Variants in ANK2 observed in about 807,000 individuals in gnomAD.
ANK2 encodes ankyrin-2.
ANK2 carries 83 observed loss-of-function variants against 360.5 expected under a neutral mutation model. The ratio of observed to expected loss-of-function variants is 0.23; its 90% confidence interval spans 0.19 to 0.28. ANK2 has a LOEUF of 0.28. Ranked by LOEUF, ANK2 falls within the 10% of genes least tolerant of loss-of-function variation. The pLI is 1.00. For missense variants in ANK2, 4,201 were observed against 4,795.7 expected, an observed-to-expected ratio of 0.88 and a Z score of 3.66; for synonymous variants, 1,740 against 1,759.5, an observed-to-expected ratio of 0.99 and a Z score of 0.28.
intron 2 of ANK2, among the ~76,000 whole-genome samples, chr4:112,931,773 G>C (rs942229475): frequency 1.3e-5 from 2 of 152,094 alleles, no homozygotes; most frequent in African/African-American, 4.8e-5. Flanking sequence ...AGTATCCTAT[G>C]CTGATTTATA....
Position 113,339,287 on chromosome 4 carries a change from T to C in ANK2, c.3858T>C (p.Asn1286=), listed in dbSNP as rs1563885033. The C allele has an allele frequency of 6.2e-7, 1 of 1,613,950 alleles. No homozygotes were observed. Among genetic ancestry groups the C allele is most frequent in the Non-Finnish European group, 8.5e-7 (1 of 1,179,996 alleles). ...ITGTTPLTFV[N]ECVSFTTNVS... ...GAACTACGCCATTAACATTTGTCAA[T>C]GAATGTGTTTCCTTTACAACAAACG... is the stretch of plus-strand genomic sequence containing the variant. The change falls in exon 32 of 46, where the codon AAT becomes AAC. Residue 1286 remains asparagine (N), a synonymous_variant. Coordinates refer to ENST00000357077, the MANE Select transcript of ANK2 (RefSeq NM_001148.6).
chr4:113,209,947 G>A (rs925687550), intron 4 of ANK2, among the ~76,000 whole-genome samples: 2 of 152,164 alleles, frequency 1.3e-5, no homozygotes, highest in Admixed American at 6.5e-5. Context: ...TCAGTCCTCC[G>A]TTCCCCCTTA....
In ANK2 at chr4:113,356,220, C is replaced by T. The variant is rs1412153659; in HGVS notation, c.7602C>T (p.Ser2534=). The part of the protein sequence containing the change: ...QTSLMESSGK[S]PLSPDTPSSE... Reference sequence around the variant, plus strand: ...CGCTCATGGAGAGCTCAGGGAAGAGCCCCCTTTCTCCTGACACCCCCAGCT... The same window carrying T: ...CGCTCATGGAGAGCTCAGGGAAGAGTCCCCTTTCTCCTGACACCCCCAGCT... The change falls in exon 38 of 46, where the codon AGC becomes AGT. Residue 2534 remains serine, a synonymous_variant. Coordinates refer to ENST00000357077, the MANE Select transcript of ANK2 (RefSeq NM_001148.6). 1.2e-6 allele frequency: 2 copies of T among 1,613,904 alleles called. No individual in the cohort carries two copies. The highest frequency in any genetic ancestry group is 8.5e-7 in the Non-Finnish European group (1 of 1,179,964).
At chr4:113,055,905 G>A (rs1026403836) in intron 1 of ANK2, among the ~76,000 whole-genome samples, 1 of 152,130 alleles carries the variant, frequency 6.6e-6, no homozygotes, top group Non-Finnish European at 1.5e-5. Context: ...TCCTTCCAGT[G>A]TTGCTGCCAT....
At chr4:112,708,016 G>T in the ANK2 span, among the ~76,000 whole-genome samples, 1 of 152,154 alleles carries the variant, frequency 6.6e-6, no homozygotes, top group Non-Finnish European at 1.5e-5. Flanking sequence ...GTAGAAATAG[G>T]TTGCTGGAAT....
At chr4:112,750,276 G>A in the ANK2 span, among the ~76,000 whole-genome samples, 2 of 151,868 alleles carry the variant, frequency 1.3e-5, no homozygotes, top group Non-Finnish European at 2.9e-5. Context: ...CACGAGAATC[G>A]CTTGAATCTG....
chr4:113,194,366 A>G (rs1437082159), intron 2 of ANK2, among the ~76,000 whole-genome samples: 1 of 152,110 alleles, frequency 6.6e-6, no homozygotes, highest in African/African-American at 2.4e-5. Context: ...GAAAATTTTT[A>G]TTGGCTATCT....
At chr4:113,049,476 C>G (rs2065942062), upstream of ANK2, among the ~76,000 whole-genome samples, 1 of 152,134 alleles carries the variant, frequency 6.6e-6, no homozygotes, top group South Asian at 2.1e-4. Context: ...CCCTGGCATT[C>G]TTTTTTCAAG....
chr4:112,847,312 C>T (rs1485209165), intron 1 of ANK2, among the ~76,000 whole-genome samples: 3 of 152,164 alleles, frequency 2.0e-5, no homozygotes, highest in African/African-American at 7.2e-5. Flanking sequence ...TACCACTTTT[C>T]TCTCTCTCAG....
rs3214164 is a variant in ANK2, at chr4:113,196,318, A to AT, written c.187-46dup. ...TATGCTTGAGTAGGATCAGGGCACT[A>AT]TTTTCCTCATTACTTCACTTCTTAA... On this transcript the variant is annotated intron_variant, in intron 2 of 45. Transcript: ENST00000357077. The AT allele has an allele frequency of 0.16, 227,590 of 1,437,540 alleles. 18,571 individuals are homozygous for AT. The highest frequency in any genetic ancestry group is 0.27 in the East Asian group (11,935 of 43,678). The allele number at this position is 1,437,540 out of a possible 1,614,324, so 89.0% of individuals were successfully genotyped here. A position where few individuals can be genotyped will look rare whatever the true frequency, so the allele number is the denominator to read the frequency against.
chr4:113,333,307 T>A lies in ANK2; in HGVS notation c.3379+99T>A. ...CTAGGGGTGTGTGTATATGTGTGTGTGTGTGTGTGTGTGTGTGTGTGTGTC... is the reference window on the plus strand; with the variant it reads ...CTAGGGGTGTGTGTATATGTGTGTGAGTGTGTGTGTGTGTGTGTGTGTGTC... On this transcript the variant is annotated intron_variant, in intron 29 of 45. Coordinates refer to ENST00000357077, the MANE Select transcript of ANK2 (RefSeq NM_001148.6). 2.3e-6 allele frequency: 3 copies of A among 1,284,106 alleles called. No homozygotes were observed. In the South Asian group the frequency reaches 3.7e-5, roughly 16 times the overall value. The allele number at this position is 1,284,106 out of a possible 1,614,324, so 79.5% of individuals were successfully genotyped here. A position where few individuals can be genotyped will look rare whatever the true frequency, so the allele number is the denominator to read the frequency against.
chr4:113,122,102 TATAAGA>T (rs1215103251), intron 1 of ANK2, among the ~76,000 whole-genome samples: 1 of 152,142 alleles, frequency 6.6e-6, no homozygotes, highest in Non-Finnish European at 1.5e-5. Flanking sequence ...TGAATTGTGT[TATAAGA>T]ATGAGTTGAA....
chr4:113,021,530 C>CCCCCCACA (rs1554056650), intron 2 of ANK2, among the ~76,000 whole-genome samples: 7 of 13,088 alleles, frequency 5.3e-4, no homozygotes, highest in African/African-American at 1.6e-3. Context: ...ACACACACAC[C>CCCCCCACA]CACACACAAA....
chr4:112,748,964 A>G, the ANK2 span, among the ~76,000 whole-genome samples: 4 of 152,188 alleles, frequency 2.6e-5, no homozygotes, highest in Non-Finnish European at 4.4e-5. Flanking sequence ...CAATGGCGCA[A>G]TCTCAGCTAA....
intron 1 of ANK2, chr4:113,117,162 A>T (rs762383462): frequency 2.6e-6 from 1 of 386,760 alleles, no homozygotes; most frequent in East Asian, 7.2e-5. Flanking sequence ...TTATCTTGTG[A>T]GTGTTCTGGC....
At position 112,964,935 on chromosome 4, in the gene ANK2, A is replaced by G. The variant is rs2036599818; in HGVS notation, c.21+60421A>G. On this transcript the variant is annotated intron_variant, in intron 2 of 30. Transcript: ENST00000503271. The stretch of plus-strand genomic sequence containing the variant: ...CTTAGGTTGCTTCCAAATCTTGGCT[A>G]TTGTGAACAGTACCGTAACAAACAC... Among the ~76,000 whole-genome samples the G allele has an allele frequency of 2.0e-5, 3 of 152,152 alleles. No homozygotes were observed. The South Asian group carries it at 6.2e-4, about 32-fold the overall frequency.
chr4:113,214,689 AG>A (rs2099066395), intron 4 of ANK2, among the ~76,000 whole-genome samples: 1 of 152,204 alleles, frequency 6.6e-6, no homozygotes, highest in Admixed American at 6.5e-5. Flanking sequence ...ATGGTAGGTT[AG>A]GACTTTAAAT....
chr4:113,149,002 G>A (rs1376733258), intron 1 of ANK2: 1 of 152,236 alleles, frequency 6.6e-6, no homozygotes, highest in Non-Finnish European at 1.5e-5. Context: ...GGAAATGGTA[G>A]AACTTCATTT....
At chr4:112,913,089 A>T (rs1012772013) in intron 2 of ANK2, among the ~76,000 whole-genome samples, 3 of 152,052 alleles carry the variant, frequency 2.0e-5, no homozygotes, top group African/African-American at 7.2e-5. Context: ...CCGTAAAAAA[A>T]CTCATATTAG....
Sources: allele counts gnomAD v4.1 joint callset (sites outside exome capture counted in the v4.1 genomes callset), GRCh38; gene constraint gnomAD v4.1.1; transcripts MANE v1.5; gene names NCBI Gene and HGNC (gene_info 2026-07-23, HGNC 2026-07-21).